CD38: variants seen among roughly 807,000 people sequenced by gnomAD.
CD38 encodes CD38 molecule, also known as ADP-ribosyl cyclase/cyclic ADP-ribose hydrolase 1.
CD38 carries 31 observed loss-of-function variants against 36.3 expected under a neutral mutation model. That is an observed-to-expected ratio of 0.85 (90% CI 0.64 to 1.15). The LOEUF (loss-of-function observed/expected upper bound fraction) is 1.15. Ranked by LOEUF, CD38 falls within the 50% of genes most tolerant of loss-of-function variation. CD38 has a pLI of 0.00. For synonymous variants in CD38, 131 were observed against 135.2 expected, an observed-to-expected ratio of 0.97 and a Z score of 0.22; for missense variants, 380 against 371.9, an observed-to-expected ratio of 1.02 and a Z score of -0.18.
intron 1 of CD38, among the ~76,000 whole-genome samples, chr4:15,786,189 G>C (rs1029568118): frequency 6.6e-6 from 1 of 152,204 alleles, no homozygotes; most frequent in Non-Finnish European, 1.5e-5. Flanking sequence ...CAGTGTAGAA[G>C]TGTAGAACGG....
intron 1 of CD38, among the ~76,000 whole-genome samples, chr4:15,799,601 T>C (rs898524397): frequency 1.3e-5 from 2 of 152,246 alleles, no homozygotes; most frequent in Non-Finnish European, 2.9e-5. Flanking sequence ...GGGTCTATTG[T>C]GTGTATATAT....
chr4:15,788,352 ATGT>A (rs1312949508), intron 1 of CD38, among the ~76,000 whole-genome samples: 8 of 152,152 alleles, frequency 5.3e-5, no homozygotes, highest in African/African-American at 1.4e-4. Flanking sequence ...CATTAGAAAC[ATGT>A]TGTTTGTCAG....
At position 15,778,962 on chromosome 4, in the gene CD38, G is replaced by A. The variant is rs187192687; in HGVS notation, c.233+315G>A. Among the ~76,000 whole-genome samples the A allele has an allele frequency of 1.3e-4, 20 of 152,262 alleles. No individual in the cohort carries two copies. In the East Asian group the frequency reaches 3.7e-3, roughly 28 times the overall value. ...GGTGCCCTGAGCCCAGCCCCTCGCCGGGCTGCAGCCCACCCTCGGCGCGCT... is the reference window on the plus strand; with the variant it reads ...GGTGCCCTGAGCCCAGCCCCTCGCCAGGCTGCAGCCCACCCTCGGCGCGCT... On this transcript the variant is annotated intron_variant, in intron 1 of 7. Transcript: ENST00000226279. This position sits in a 1 kb window ranked among gnomAD's most constrained non-coding sequence, Gnocchi z 4.9.
intron 1 of CD38, among the ~76,000 whole-genome samples, chr4:15,800,997 G>T (rs1723211182): frequency 6.6e-6 from 1 of 151,700 alleles, no homozygotes; most frequent in Non-Finnish European, 1.5e-5. Context: ...TAATACAAAA[G>T]ATCAACAAAA....
At chr4:15,834,095 G>T in intron 3 of CD38, 122 bp from the exon 4 acceptor site, 1 of 653,954 alleles carries the variant, frequency 1.5e-6, no homozygotes, top group South Asian at 1.9e-5. Flanking sequence ...CCATTCTCCA[G>T]CCTCCGTCTT....
At chr4:15,847,438 T>A (rs1419096233) in intron 7 of CD38, among the ~76,000 whole-genome samples, 1 of 55,602 alleles carries the variant, frequency 1.8e-5, no homozygotes, top group Non-Finnish European at 3.2e-5. Context: ...AGGGATAGCA[T>A]TGGGAGATAT....
At chr4:15,786,920 C>G (rs953996464) in intron 1 of CD38, among the ~76,000 whole-genome samples, 1 of 152,244 alleles carries the variant, frequency 6.6e-6, no homozygotes, top group African/African-American at 2.4e-5. Flanking sequence ...TGGAGCGCAG[C>G]GCCAGTGGGC....
chr4:15,798,554 T>G (rs1723148498), intron 1 of CD38, among the ~76,000 whole-genome samples: 1 of 152,216 alleles, frequency 6.6e-6, no homozygotes. Flanking sequence ...GAATTTGATA[T>G]TTTGAATCAT....
intron 1 of CD38, among the ~76,000 whole-genome samples, chr4:15,793,426 TTAATA>T (rs1287667658): frequency 6.6e-6 from 1 of 152,110 alleles, no homozygotes; most frequent in Non-Finnish European, 1.5e-5. Context: ...CTCAATGACA[TTAATA>T]TAATTATGTA....
chr4:15,806,590 G>C (rs1723346354), intron 1 of CD38, among the ~76,000 whole-genome samples: 1 of 152,178 alleles, frequency 6.6e-6, no homozygotes, highest in African/African-American at 2.4e-5. Flanking sequence ...TGGTAGTGCT[G>C]CCTCCTCCCT....
chr4:15,787,214 G>C (rs1722857825), intron 1 of CD38, among the ~76,000 whole-genome samples: 1 of 152,274 alleles, frequency 6.6e-6, no homozygotes, highest in African/African-American at 2.4e-5. Context: ...GCAGAGGCCG[G>C]GGGGCACTGA....
intron 1 of CD38, among the ~76,000 whole-genome samples, chr4:15,814,890 T>G (rs1723551584): frequency 6.6e-6 from 1 of 151,502 alleles, no homozygotes; most frequent in African/African-American, 2.4e-5. Context: ...CACTGCAACC[T>G]CCGCCTCCCT....
intron 1 of CD38, among the ~76,000 whole-genome samples, chr4:15,805,620 C>A (rs1334668235): frequency 6.6e-6 from 1 of 152,172 alleles, no homozygotes; most frequent in Non-Finnish European, 1.5e-5. Context: ...CACTGATGTA[C>A]CCTAAGTGCT....
intron 1 of CD38, among the ~76,000 whole-genome samples, chr4:15,781,670 A>G (rs1366555677): frequency 2.0e-4 from 30 of 152,230 alleles, no homozygotes; most frequent in Admixed American, 2.0e-3. Context: ...CTTTACACCG[A>G]GTCTCCTGAC....
chr4:15,782,188 G>A (rs1030344872), intron 1 of CD38, among the ~76,000 whole-genome samples: 1 of 152,176 alleles, frequency 6.6e-6, no homozygotes, highest in African/African-American at 2.4e-5. Flanking sequence ...AGCCTGGCAA[G>A]CCCACTCAAA....
At chr4:15,826,655 C>A (rs931734054) in intron 3 of CD38, among the ~76,000 whole-genome samples, 4 of 151,900 alleles carry the variant, frequency 2.6e-5, no homozygotes, top group Admixed American at 2.6e-4. Flanking sequence ...CCTGCAATCC[C>A]AGCACTTTGG....
At position 15,778,476 on chromosome 4, in the gene CD38, G is replaced by C. The variant is rs559868075; in HGVS notation, c.62G>C (p.Arg21Thr). Residue 21 changes from arginine to threonine, a missense_variant, in exon 1 of 8, where the codon AGA becomes ACA. Transcript: ENST00000226279. The surrounding 1 kb of genome is among the most constrained non-coding windows in gnomAD (Gnocchi z 4.9). ...GDKPCCRLSR[R>T]AQLCLGVSIL... ...AAACCCTGCTGCCGGCTCTCTAGGA[G>C]AGCCCAACTCTGTCTTGGCGTCAGT... The C allele has an allele frequency of 1.9e-6, 3 of 1,613,884 alleles. No individual in the cohort carries two copies. Among genetic ancestry groups the C allele is most frequent in the South Asian group, 1.1e-5 (1 of 91,068 alleles).
At chr4:15,807,955 C>T (rs1033326801) in intron 1 of CD38, among the ~76,000 whole-genome samples, 2 of 152,154 alleles carry the variant, frequency 1.3e-5, no homozygotes, top group Admixed American at 6.5e-5. Flanking sequence ...AGGAACCCCA[C>T]GAAACCTCAC....
intron 1 of CD38, among the ~76,000 whole-genome samples, chr4:15,801,216 G>T (rs1044517823): frequency 1.4e-4 from 22 of 151,750 alleles, no homozygotes; most frequent in African/African-American, 4.6e-4. Context: ...TACCAAGATT[G>T]AACCAGGATG....
Sources: allele counts gnomAD v4.1 joint callset (sites outside exome capture counted in the v4.1 genomes callset), GRCh38; gene constraint gnomAD v4.1.1; non-coding constraint Gnocchi (gnomAD v3.1); transcripts MANE v1.5; gene names NCBI Gene and HGNC (gene_info 2026-07-23, HGNC 2026-07-21).